MS4A15: variants seen among roughly 807,000 people sequenced by gnomAD.
MS4A15 encodes membrane spanning 4-domains A15, also known as membrane-spanning 4-domains subfamily A member 15.
Under a neutral mutation model 20.6 loss-of-function variants are expected in MS4A15, and 22 were observed. The ratio of observed to expected loss-of-function variants is 1.07; its 90% CI spans 0.76 to 1.52. MS4A15 has a LOEUF of 1.52. MS4A15 is among the 40% of genes most tolerant of loss of function. The pLI, the probability that MS4A15 is intolerant of heterozygous loss-of-function variation, is 0.00. For synonymous variants in MS4A15, 129 were observed against 129.3 expected, an observed-to-expected ratio of 1.00 and a Z score of 0.02; for missense variants, 312 against 323.0, an observed-to-expected ratio of 0.97 and a Z score of 0.26.
At position 60,773,923 on chromosome 11, in the gene MS4A15, C is replaced by T. The variant is rs201061468; in HGVS notation, c.585C>T (p.Cys195=). 1.0e-4 allele frequency: 169 copies of T among 1,614,060 alleles called. No homozygotes were observed. Among genetic ancestry groups the T allele is most frequent in the Non-Finnish European group, 1.3e-4 (154 of 1,180,000 alleles). The stretch of plus-strand genomic sequence containing the variant: ...CGGTCATTGCCATGCACTTCGGGTG[C>T]CAAGCCATCCATGCCCAGGCCAGTG... ...FTAVIAMHFG[C]QAIHAQASAP... The change falls in exon 6 of 7, where the codon TGC becomes TGT. Residue 195 remains cysteine, a synonymous_variant. Transcript: ENST00000405633.
intron 1 of MS4A15, among the ~76,000 whole-genome samples, chr11:60,758,915 G>GC (rs1229502972): frequency 6.6e-6 from 1 of 152,228 alleles, no homozygotes. Flanking sequence ...TTAAAACCAC[G>GC]CAACAGGCAG....
intron 1 of MS4A15, among the ~76,000 whole-genome samples, chr11:60,757,715 C>T (rs11824792): frequency 2.2e-4 from 34 of 152,206 alleles, no homozygotes; most frequent in African/African-American, 7.7e-4. Context: ...GTCTGGAGGC[C>T]GCCCAAGAGA....
intron 1 of MS4A15, among the ~76,000 whole-genome samples, chr11:60,758,969 A>T (rs1333577561): frequency 6.6e-6 from 1 of 152,252 alleles, no homozygotes; most frequent in Non-Finnish European, 1.5e-5. Context: ...TTCCTCACCA[A>T]GACATAAACA....
At chr11:60,763,992 G>A (rs1853819089) in intron 2 of MS4A15, 34 bp downstream of exon 2, 2 of 1,565,980 alleles carry the variant, frequency 1.3e-6, no homozygotes, top group Admixed American at 1.8e-5. Flanking sequence ...CCTGAGGCAG[G>A]TAGTGAGTAT....
At chr11:60,775,360 C>T (rs1327754977) in intron 6 of MS4A15, among the ~76,000 whole-genome samples, 2 of 151,804 alleles carry the variant, frequency 1.3e-5, no homozygotes, top group Admixed American at 6.6e-5. Context: ...AGAACGTTAG[C>T]GCCTGGAGAA....
intron 1 of MS4A15, among the ~76,000 whole-genome samples, chr11:60,761,358 T>C (rs1000559094): frequency 6.6e-6 from 1 of 152,244 alleles, no homozygotes; most frequent in African/African-American, 2.4e-5. Flanking sequence ...TTATTTCTGC[T>C]ATTACCACTA....
chr11:60,775,081 C>T (rs1189709839), intron 6 of MS4A15, among the ~76,000 whole-genome samples: 3 of 152,026 alleles, frequency 2.0e-5, no homozygotes, highest in African/African-American at 7.3e-5. Context: ...TTTGGGAGGC[C>T]GAGGCGGGCA....
chr11:60,767,628 C>A lies in MS4A15; in HGVS notation c.321C>A (p.Gly107=), dbSNP rs1176343866. The change falls in exon 3 of 7, where the codon GGC becomes GGA. Residue 107 remains glycine (G), a synonymous_variant. Coordinates refer to ENST00000405633, the MANE Select transcript of MS4A15 (RefSeq NM_001098835.2). ...ACGTGGGCATCTTCTTCATCGAGGG[C>A]GGCGTCCCCTTCTGGGGAGGAGCCT... The part of the protein sequence containing the change: ...RGHVGIFFIE[G]GVPFWGGACF... 1.3e-6 allele frequency: 2 copies of A among 1,556,046 alleles called. No individual in the cohort carries two copies. The highest frequency in any genetic ancestry group is 1.7e-6 in the Non-Finnish European group (2 of 1,149,292).
chr11:60,775,484 T>C, intron 6 of MS4A15, 121 bp from the exon 7 acceptor site: 4 of 746,830 alleles, frequency 5.4e-6, no homozygotes, highest in Non-Finnish European at 6.8e-6. Context: ...AGCATGCGAT[T>C]CAGACTTGCG....
At chr11:60,758,258 TAA>T (rs34129865) in intron 1 of MS4A15, among the ~76,000 whole-genome samples, 40,053 of 147,426 alleles carry the variant, frequency 0.27, 5,509 homozygotes, top group Middle Eastern at 0.37. Context: ...AATACAAACA[TAA>T]AAAAAAAAAA....
intron 3 of MS4A15, among the ~76,000 whole-genome samples, chr11:60,770,621 A>G (rs1854010763): frequency 6.6e-6 from 1 of 151,184 alleles, no homozygotes; most frequent in East Asian, 2.0e-4. Context: ...AAAAAAAAAA[A>G]GCTCCTTGAG....
At chr11:60,769,896 TG>T (rs1180182625) in intron 3 of MS4A15, among the ~76,000 whole-genome samples, 2 of 152,168 alleles carry the variant, frequency 1.3e-5, no homozygotes, top group Non-Finnish European at 2.9e-5. Flanking sequence ...GACTCATTCC[TG>T]GTCCTCTGTC....
intron 1 of MS4A15, among the ~76,000 whole-genome samples, chr11:60,760,190 G>A (rs1354761082): frequency 6.6e-6 from 1 of 152,216 alleles, no homozygotes; most frequent in Non-Finnish European, 1.5e-5. Flanking sequence ...TCGAGCTAAT[G>A]CTCTGGTACA....
intron 1 of MS4A15, among the ~76,000 whole-genome samples, chr11:60,757,778 G>A (rs746501736): frequency 6.6e-6 from 1 of 152,166 alleles, no homozygotes; most frequent in Non-Finnish European, 1.5e-5. Context: ...TCGGGTGGCC[G>A]TGTCCTCAAC....
At chr11:60,771,810 T>C in intron 4 of MS4A15, 1 of 1,191,526 alleles carries the variant, frequency 8.4e-7, no homozygotes, top group Non-Finnish European at 1.1e-6. Context: ...AATCCCATGA[T>C]GGGGCTGGAT....
chr11:60,774,005 G>A (rs1854119455), intron 6 of MS4A15, 55 bp downstream of exon 6: 2 of 1,447,416 alleles, frequency 1.4e-6, no homozygotes, highest in African/African-American at 1.4e-5. Flanking sequence ...GAGCCTGTGT[G>A]GAAGGCAGTT....
chr11:60,758,217 G>A (rs1490782079), intron 1 of MS4A15, among the ~76,000 whole-genome samples: 1 of 151,816 alleles, frequency 6.6e-6, no homozygotes, highest in East Asian at 1.9e-4. Context: ...CAAGCAGGTG[G>A]CCATCTATTT....
chr11:60,772,316 G>C (rs577145675), intron 4 of MS4A15, among the ~76,000 whole-genome samples: 3 of 152,318 alleles, frequency 2.0e-5, no homozygotes, highest in Admixed American at 6.5e-5. Flanking sequence ...GACCACAGAG[G>C]CTTCAGCAGG....
intron 1 of MS4A15, among the ~76,000 whole-genome samples, chr11:60,759,458 C>G (rs1292386401): frequency 1.3e-5 from 2 of 152,240 alleles, no homozygotes; most frequent in African/African-American, 4.8e-5. Flanking sequence ...AGGTTTCCCC[C>G]GACTGAGACA....
Sources: allele counts gnomAD v4.1 joint callset (sites outside exome capture counted in the v4.1 genomes callset), GRCh38; gene constraint gnomAD v4.1.1; transcripts MANE v1.5; gene names NCBI Gene and HGNC (gene_info 2026-07-23, HGNC 2026-07-21).